Variants in MOCS1 observed in about 807,000 individuals in gnomAD.
MOCS1 encodes molybdenum cofactor biosynthesis protein 1.
In MOCS1, 39 loss-of-function variants were observed where a neutral mutation model predicts 57.6. The ratio of observed to expected loss-of-function variants is 0.68; its 90% CI spans 0.52 to 0.88. The LOEUF (loss-of-function observed/expected upper bound fraction) is 0.88, where lower values mean the gene tolerates loss of function less well. MOCS1 is among the 40% of genes least tolerant of loss of function. The probability of loss-of-function intolerance (pLI) is 0.00; values close to 1 mark genes in which losing one functional copy is unlikely to be tolerated. For synonymous variants in MOCS1, 334 were observed against 335.7 expected (o/e 1.00, Z 0.05); for missense variants, 795 against 831.1 (o/e 0.96, Z 0.53).
At position 39,934,309 on chromosome 6, in the gene MOCS1, G is replaced by T. The variant is rs1424748492; in HGVS notation, c.109C>A (p.Arg37=). 1.3e-6 allele frequency: 2 copies of T among 1,546,384 alleles called. No individual in the cohort carries two copies. Among genetic ancestry groups the T allele is most frequent in the Admixed American group, 1.9e-5 (1 of 52,428 alleles). ...VTQPCPGESA[R]AASEEVSRRR... is the part of the protein sequence containing the mutation. ...GGTGGGCTCACCTCCGAGGCAGCTC[G>T]CGCGGACTCCCCGGGGCAGGGCTGG... is the stretch of plus-strand genomic sequence containing the variant. The change falls in exon 1 of 11, where the codon CGA becomes AGA. Residue 37 remains arginine (R), a synonymous_variant. Coordinates refer to ENST00000340692, the MANE Select transcript of MOCS1 (RefSeq NM_001358530.2).
chr6:39,924,296 T>C (rs1582830618), intron 3 of MOCS1, among the ~76,000 whole-genome samples: 2 of 152,340 alleles, frequency 1.3e-5, no homozygotes, highest in South Asian at 2.1e-4. Flanking sequence ...GAATATGCCG[T>C]ACTGCAGAGA....
At chr6:39,910,866 G>A (rs1319591373) in intron 8 of MOCS1, among the ~76,000 whole-genome samples, 1 of 152,068 alleles carries the variant, frequency 6.6e-6, no homozygotes, top group Non-Finnish European at 1.5e-5. Flanking sequence ...AGATCAATGG[G>A]TAAAGGGAAA....
rs762916986 is a variant in MOCS1 at position 39,934,363 on chromosome 6, G to A, written c.55C>T (p.Arg19Trp). The change falls in exon 1 of 11, where the codon CGG (arginine) becomes TGG (tryptophan). Residue 19 changes from arginine to tryptophan, a missense_variant. Physicochemically the swap from Arg to Trp is moderately radical, Grantham distance 101 (BLOSUM62 -3). This residue lies in a region of MOCS1 where 416 missense variants were observed against 392.4 expected (regional missense o/e 1.06). Coordinates refer to ENST00000340692, the MANE Select transcript of MOCS1 (RefSeq NM_001358530.2). ...ACCGGAGCCCCTGAGCTGCAGCTCC[G>A]GGCGCTGGACCTCAGAAGCCGCCGC... is the stretch of plus-strand genomic sequence containing the variant. ...MLRRLLRSSA[R>W]SCSSGAPVTQ... is the part of the protein sequence containing the mutation. The A allele has an allele frequency of 1.4e-5, 22 of 1,556,466 alleles. No homozygotes were observed. The highest frequency in any genetic ancestry group is 3.5e-5 in the South Asian group (3 of 85,050).
Position 39,934,281 on chromosome 6 carries a change from C to T in MOCS1, c.123+14G>A, listed in dbSNP as rs530177835. 2,980 of 1,534,414 alleles carry T rather than the reference C, an allele frequency of 1.9e-3. 9 individuals carry two copies. The highest frequency in any genetic ancestry group is 2.1e-3 in the Non-Finnish European group (2,460 of 1,146,170). On this transcript the variant is annotated intron_variant, in intron 1 of 10. Coordinates refer to ENST00000340692, the MANE Select transcript of MOCS1 (RefSeq NM_001358530.2). ...TGCCCCGGGAAGCTGTGGACGCAGG[C>T]GGGGTGGGCTCACCTCCGAGGCAGC...
At position 39,917,267 on chromosome 6, in the gene MOCS1, AG is replaced by A. The variant is rs551749683; in HGVS notation, c.419-1036del. Among the ~76,000 whole-genome samples, 70 of 152,356 alleles carry A rather than the reference AG, an allele frequency of 4.6e-4. 1 individual carries two copies. In the Middle Eastern group the frequency reaches 0.014, roughly 30 times the overall value. Reference sequence around the variant, plus strand: ...AACACGTCCTTCTTCACATGGCAGCAGCAAGAAATGTTGAGCAAAACAGGAA... The same window carrying A: ...AACACGTCCTTCTTCACATGGCAGCACAAGAAATGTTGAGCAAAACAGGAA... On this transcript the variant is annotated intron_variant, in intron 3 of 10. Transcript: ENST00000340692.
At chr6:39,922,875 C>T (rs1257334877) in intron 3 of MOCS1, among the ~76,000 whole-genome samples, 7 of 152,178 alleles carry the variant, frequency 4.6e-5, no homozygotes, top group Non-Finnish European at 2.9e-5. Flanking sequence ...CACAAGTGTT[C>T]GTGAACATCC....
Position 39,906,796 on chromosome 6 carries a change from G to A in MOCS1, c.1472C>T (p.Ala491Val). 1 of 1,614,192 alleles carries A rather than the reference G, an allele frequency of 6.2e-7. No individual in the cohort carries two copies. The highest frequency in any genetic ancestry group is 2.2e-5 in the East Asian group (1 of 44,870). The change falls in exon 11 of 11, where the codon GCA (alanine) becomes GTA (valine). Residue 491 changes from alanine to valine, a missense_variant. Physicochemically the swap from Ala to Val is moderately conservative, Grantham distance 64 (BLOSUM62 0). This residue lies in a region of MOCS1 where 374 missense variants were observed against 422.6 expected (regional missense o/e 0.89). Transcript: ENST00000340692. ...CTTCCTGCCCACATCTACCATAGCTGCCCGTCCTTCCGAGTCCACATGAGT... is the reference window on the plus strand; with the variant it reads ...CTTCCTGCCCACATCTACCATAGCTACCCGTCCTTCCGAGTCCACATGAGT... ...QLTHVDSEGR[A>V]AMVDVGRKPD... is the part of the protein sequence containing the mutation.
chr6:39,906,723 T>A lies in MOCS1; in HGVS notation c.1545A>T (p.Gly515=). 18 of 1,614,144 alleles carry A rather than the reference T, an allele frequency of 1.1e-5. No homozygotes were observed. The highest frequency in any genetic ancestry group is 1.4e-5 in the Non-Finnish European group (17 of 1,180,036). ...GCTGGACAAGCTTGAAGGCTACCGGTCCCAGGAGGACCACGGCTGAAGCCA... is the reference window on the plus strand; with the variant it reads ...GCTGGACAAGCTTGAAGGCTACCGGACCCAGGAGGACCACGGCTGAAGCCA... ...VAVASAVVLL[G]PVAFKLVQQN... is the part of the protein sequence containing the mutation. Residue 515 remains glycine, a synonymous_variant, in exon 11 of 11, where the codon GGA becomes GGT. Transcript: ENST00000340692.
rs373126832 is a variant in MOCS1 at position 39,920,977 on chromosome 6, CA to C, written c.418+4700del. Reference sequence around the variant, plus strand: ...GGCAACAGAGCTAGATCCGGTCTCCCAAAAAAAAAAGGGGGGGGGACAGGGC... The same window carrying C: ...GGCAACAGAGCTAGATCCGGTCTCCCAAAAAAAAAGGGGGGGGGACAGGGC... On this transcript the variant is annotated intron_variant, in intron 3 of 10. Coordinates refer to ENST00000340692, the MANE Select transcript of MOCS1 (RefSeq NM_001358530.2). 7.6e-3 allele frequency among the ~76,000 whole-genome samples: 768 copies of C among 100,762 alleles called. 8 individuals carry two copies. The highest frequency in any genetic ancestry group is 0.054 in the South Asian group (160 of 2,962). 66.1% of individuals were successfully genotyped at this position (100,762 alleles called of 152,430 possible). A position where few individuals can be genotyped will look rare whatever the true frequency, so the allele number is the denominator to read the frequency against.
At chr6:39,933,607 AC>A (rs1768753963) in intron 1 of MOCS1, among the ~76,000 whole-genome samples, 1 of 152,180 alleles carries the variant, frequency 6.6e-6, no homozygotes, top group Non-Finnish European at 1.5e-5. Flanking sequence ...GAGCAGAAGA[AC>A]AACCAAAACC....
intron 1 of MOCS1, 94 bp downstream of exon 1, chr6:39,934,201 A>G: frequency 7.0e-7 from 1 of 1,426,004 alleles, no homozygotes. Flanking sequence ...AGAAGCGGTC[A>G]AGCAGATAGG....
In MOCS1 at chr6:39,909,778, C is replaced by A; in HGVS notation, c.1102+57G>T. The A allele has an allele frequency of 1.9e-6, 3 of 1,605,534 alleles. No individual in the cohort carries two copies. In the South Asian group the frequency reaches 3.3e-5, roughly 18 times the overall value. ...TCTCACCCCACAACTCCACACCTCC[C>A]TCCCAGGGACAAGGCCCACTCACCA... On this transcript the variant is annotated intron_variant, in intron 9 of 10. Coordinates refer to ENST00000340692, the MANE Select transcript of MOCS1 (RefSeq NM_001358530.2).
In MOCS1 at chr6:39,934,357, A is replaced by G. The variant is rs571518668; in HGVS notation, c.61T>C (p.Cys21Arg). The stretch of plus-strand genomic sequence containing the variant: ...TGGGTCACCGGAGCCCCTGAGCTGC[A>G]GCTCCGGGCGCTGGACCTCAGAAGC... Reference protein sequence around the residue: ...RRLLRSSARSCSSGAPVTQPC... With the variant: ...RRLLRSSARSRSSGAPVTQPC... Residue 21 changes from cysteine (C) to arginine (R), a missense_variant, in exon 1 of 11, where the codon TGC (cysteine) becomes CGC (arginine). Transcript: ENST00000340692. 38 of 1,555,062 alleles carry G rather than the reference A, an allele frequency of 2.4e-5. No individual in the cohort carries two copies. The African/African-American group carries it at 5.0e-4, about 21-fold the overall frequency.
chr6:39,924,816 C>T (rs752574772), intron 3 of MOCS1, among the ~76,000 whole-genome samples: 3 of 152,168 alleles, frequency 2.0e-5, no homozygotes, highest in Non-Finnish European at 4.4e-5. Flanking sequence ...CAGTGGCTCA[C>T]GCCTGTAATC....
At chr6:39,927,785 C>A in intron 1 of MOCS1, 1 of 1,409,582 alleles carries the variant, frequency 7.1e-7, no homozygotes, top group South Asian at 1.5e-5. Context: ...TAGCCAGTGC[C>A]AAAAAAAGGA....
chr6:39,925,766 G>A lies in MOCS1; in HGVS notation c.330C>T (p.Leu110=), dbSNP rs61746375. The change falls in exon 3 of 11, where the codon CTC becomes CTT. Residue 110 remains leucine, a synonymous_variant. Transcript: ENST00000340692. ...NLLTTEEILT[L]ARLFVKEGID... ...TGCCTTCCTTCACAAAGAGCCGGGC[G>A]AGGGTCAGGATCTCCTCTGTGGTCA... is the stretch of plus-strand genomic sequence containing the variant. 7,716 of 1,612,810 alleles carry A rather than the reference G, an allele frequency of 4.8e-3. 289 individuals are homozygous for A. The African/African-American group carries it at 0.082, about 17-fold the overall frequency.
rs774690045 is a variant in MOCS1 at position 39,913,398 on chromosome 6, C to T, written c.676G>A (p.Glu226Lys). Reference protein sequence around the residue: ...VNCVVMRGLNEDELLDFAALT... With the variant: ...VNCVVMRGLNKDELLDFAALT... The stretch of plus-strand genomic sequence containing the variant: ...GCCGCAAAGTCCAGGAGTTCATCCT[C>T]GTTAAGGCCTCGCATCACCACACAG... The change falls in exon 6 of 11, where the codon GAG (glutamate) becomes AAG (lysine). Residue 226 changes from glutamate (E) to lysine (K), a missense_variant. By Grantham distance (56) the Glu-to-Lys change is moderately conservative. Around this residue, in one of 3 missense-constraint regions of MOCS1, gnomAD observed 416 missense variants for 392.4 expected, o/e 1.06. Coordinates refer to ENST00000340692, the MANE Select transcript of MOCS1 (RefSeq NM_001358530.2). The T allele has an allele frequency of 5.9e-5, 96 of 1,614,100 alleles. No homozygotes were observed. Among genetic ancestry groups the T allele is most frequent in the Non-Finnish European group, 7.5e-5 (88 of 1,180,044 alleles).
chr6:39,919,293 T>A (rs1056526045), intron 3 of MOCS1, among the ~76,000 whole-genome samples: 3 of 152,120 alleles, frequency 2.0e-5, no homozygotes, highest in Non-Finnish European at 4.4e-5. Context: ...AAGACCAGCC[T>A]GCCCAACGTA....
chr6:39,928,810 C>A (rs1768483995), intron 1 of MOCS1, among the ~76,000 whole-genome samples: 1 of 152,108 alleles, frequency 6.6e-6, no homozygotes, highest in African/African-American at 2.4e-5. Context: ...GGTAGGTGAA[C>A]ACTTAAAATT....
Sources: gnomAD v4.1 joint callset for allele counts (sites outside exome capture counted in the v4.1 genomes callset) on GRCh38, gnomAD v4.1.1 for gene constraint, gnomAD v4.1.1 regional missense constraint, MANE v1.5 for transcripts, NCBI Gene and HGNC (gene_info 2026-07-23, HGNC 2026-07-21) for gene names.